Variants in CD248 observed in about 807,000 individuals in gnomAD.
CD248 encodes CD248 molecule, also known as endosialin.
A neutral mutation model predicts 8.0 loss-of-function variants in CD248; 7 were observed. The observed-to-expected ratio is 0.88, with a 90% CI of 0.50 to 1.64. CD248 has a LOEUF of 1.64. CD248 is among the 40% of genes most tolerant of loss of function. The pLI is 0.00. For missense variants in CD248, 912 were observed against 1,027.2 expected (o/e 0.89, Z 1.53); for synonymous variants, 418 against 437.1 (o/e 0.96, Z 0.54).
rs780618986 is a variant in CD248, at chr11:66,316,108, G to A, written c.920C>T (p.Pro307Leu). ...CTCATCTGTGTCCACACAGCGGTGCGGATCATCCTCCGCTGGCCGGAAACC... is the reference window on the plus strand; with the variant it reads ...CTCATCTGTGTCCACACAGCGGTGCAGATCATCCTCCGCTGGCCGGAAACC... Reference protein sequence around the residue: ...RLGFRPAEDDPHRCVDTDECQ... With the variant: ...RLGFRPAEDDLHRCVDTDECQ... The change falls in exon 1 of 1, where the codon CCG (proline) becomes CTG (leucine). Residue 307 changes from proline (P) to leucine (L), a missense_variant. This residue lies in a region of CD248 where 403 missense variants were observed against 446.2 expected (regional missense o/e 0.90). Coordinates refer to ENST00000311330, the MANE Select transcript of CD248 (RefSeq NM_020404.3). 5.0e-5 allele frequency: 80 copies of A among 1,613,512 alleles called. No homozygotes were observed. In the East Asian group the frequency reaches 1.0e-3, roughly 20 times the overall value.
Position 66,317,023 on chromosome 11 carries a change from AG to A in CD248, c.4del (p.Leu2CysfsTer213). The A allele has an allele frequency of 6.9e-7, 1 of 1,453,840 alleles. No homozygotes were observed. The highest frequency in any genetic ancestry group is 9.0e-7 in the Non-Finnish European group (1 of 1,114,076). 90.1% of individuals were successfully genotyped at this position (1,453,840 alleles called of 1,614,324 possible). A position where few individuals can be genotyped will look rare whatever the true frequency, so the allele number is the denominator to read the frequency against. On this transcript the variant is annotated frameshift_variant, in exon 1 of 1. Coordinates refer to ENST00000311330, the MANE Select transcript of CD248 (RefSeq NM_020404.3). LOFTEE classifies it low-confidence loss of function (END_TRUNC). ...CGCCCAGGCCAGCAACAGGCGCAGCAGCATCGCGATGCCCCCGGACTGGTCC... is the reference window on the plus strand; with the variant it reads ...CGCCCAGGCCAGCAACAGGCGCAGCACATCGCGATGCCCCCGGACTGGTCC... M[L>X]LRLLLAWAAA...
chr11:66,314,809 G>C lies in CD248; in HGVS notation c.2219C>G (p.Pro740Arg), dbSNP rs550860817. The change falls in exon 1 of 1, where the codon CCC (proline) becomes CGC (arginine). Residue 740 changes from proline (P) to arginine (R), a missense_variant. Physicochemically the swap from Pro to Arg is moderately radical, Grantham distance 103. This residue lies in a region of CD248 where 507 missense variants were observed against 562.2 expected (regional missense o/e 0.90). Coordinates refer to ENST00000311330, the MANE Select transcript of CD248 (RefSeq NM_020404.3). The surrounding 1 kb of genome is among the most constrained non-coding windows in gnomAD (Gnocchi z 4.0). Reference sequence around the variant, plus strand: ...TGTGAGGCTGCCCCTGGGGGGCATGGGTTCTGTTGGGCTCTTGCTCCCAGC... The same window carrying C: ...TGTGAGGCTGCCCCTGGGGGGCATGCGTTCTGTTGGGCTCTTGCTCCCAGC... The part of the protein sequence containing the change: ...IHAGSKSPTE[P>R]MPPRGSLTGV... 16 of 1,566,120 alleles carry C rather than the reference G, an allele frequency of 1.0e-5. No individual in the cohort carries two copies. Among genetic ancestry groups the C allele is most frequent in the Non-Finnish European group, 1.4e-5 (16 of 1,155,468 alleles).
chr11:66,316,542 G>C lies in CD248; in HGVS notation c.486C>G (p.Gly162=). The C allele has an allele frequency of 6.3e-7, 1 of 1,599,258 alleles. No individual in the cohort carries two copies. Among genetic ancestry groups the C allele is most frequent in the Non-Finnish European group, 8.5e-7 (1 of 1,179,288 alleles). ...DGYLCQFGFE[G]ACPALQDEAG... Reference sequence around the variant, plus strand: ...CCTCATCTTGCAGCGCCGGGCAGGCGCCCTCGAAGCCAAACTGGCACAGGT... The same window carrying C: ...CCTCATCTTGCAGCGCCGGGCAGGCCCCCTCGAAGCCAAACTGGCACAGGT... The change falls in exon 1 of 1, where the codon GGC becomes GGG. Residue 162 remains glycine, a synonymous_variant. Transcript: ENST00000311330.
In CD248 at chr11:66,316,331, TC is replaced by T; in HGVS notation, c.696del (p.Thr233LeufsTer236). On this transcript the variant is annotated frameshift_variant, in exon 1 of 1. Transcript: ENST00000311330. LOFTEE classifies it low-confidence loss of function (END_TRUNC). ...GWSRAGPLCL[G>X]TGCSPDNGGC... is the part of the protein sequence containing the mutation. ...CCCCCGTTGTCAGGGCTGCAGCCAG[TC>T]CCCAGGCACAGGGGCCCAGCCCGTG... is the stretch of plus-strand genomic sequence containing the variant. 1 of 1,612,862 alleles carries T rather than the reference TC, an allele frequency of 6.2e-7. No homozygotes were observed. Among genetic ancestry groups the T allele is most frequent in the Non-Finnish European group, 8.5e-7 (1 of 1,179,734 alleles).
Position 66,316,167 on chromosome 11 carries a change from A to T in CD248, c.861T>A (p.Gly287=), listed in dbSNP as rs1854545589. Residue 287 remains glycine, a synonymous_variant, in exon 1 of 1, where the codon GGT becomes GGA. Coordinates refer to ENST00000311330, the MANE Select transcript of CD248 (RefSeq NM_020404.3). ...QAPCEQQCEP[G]GPQGYSCHCR... ...AGTGGCAGCTGTAGCCTTGTGGCCC[A>T]CCGGGCTCACACTGCTGCTCGCACG... 1 of 1,612,320 alleles carries T rather than the reference A, an allele frequency of 6.2e-7. No individual in the cohort carries two copies. The highest frequency in any genetic ancestry group is 2.2e-5 in the East Asian group (1 of 44,886).
At position 66,316,947 on chromosome 11, in the gene CD248, G is replaced by A. The variant is rs766995766; in HGVS notation, c.81C>T (p.Ala27=). ...GQDPWAAEPR[A]ACGPSSCYAL... is the part of the protein sequence containing the mutation. Reference sequence around the variant, plus strand: ...CGTAGCAGCTGCTGGGGCCGCAGGCGGCACGGGGCTCAGCAGCCCAGGGGT... The same window carrying A: ...CGTAGCAGCTGCTGGGGCCGCAGGCAGCACGGGGCTCAGCAGCCCAGGGGT... Residue 27 remains alanine, a synonymous_variant, in exon 1 of 1, where the codon GCC becomes GCT. Transcript: ENST00000311330. The A allele has an allele frequency of 4.3e-5, 67 of 1,551,118 alleles. No individual in the cohort carries two copies. Among genetic ancestry groups the A allele is most frequent in the Non-Finnish European group, 4.5e-5 (52 of 1,160,234 alleles).
rs749082084 is a variant in CD248, at chr11:66,315,820, G to A, written c.1208C>T (p.Pro403Leu). 37 of 1,613,846 alleles carry A rather than the reference G, an allele frequency of 2.3e-5. No homozygotes were observed. Among genetic ancestry groups the A allele is most frequent in the Admixed American group, 3.3e-5 (2 of 60,002 alleles). Residue 403 changes from proline to leucine, a missense_variant, in exon 1 of 1, where the codon CCG becomes CTG. Around this residue, in one of 3 missense-constraint regions of CD248, gnomAD observed 507 missense variants for 562.2 expected, o/e 0.90. Transcript: ENST00000311330. The surrounding 1 kb of genome is among the most constrained non-coding windows in gnomAD (Gnocchi z 4.3). ...PGILWMEPTQ[P>L]PDFALAYRPS... ...TCTATAGGCCAGGGCAAAGTCAGGC[G>A]GCTGCGTAGGCTCCATCCACAGGAT...
Position 66,316,728 on chromosome 11 carries a change from C to A in CD248, c.300G>T (p.Leu100=). Residue 100 remains leucine (L), a synonymous_variant, in exon 1 of 1, where the codon CTG becomes CTT. Transcript: ENST00000311330. ...CCCCTGTGGTCCACGTGAAGCCGCG[C>A]AGTGGGCGCTGCAGCTGGCATTGCC... ...QARQCQLQRP[L]RGFTWTTGDQ... is the part of the protein sequence containing the mutation. 1 of 1,604,608 alleles carries A rather than the reference C, an allele frequency of 6.2e-7. No homozygotes were observed. Among genetic ancestry groups the A allele is most frequent in the Non-Finnish European group, 8.5e-7 (1 of 1,179,474 alleles).
chr11:66,317,007 C>A lies in CD248; in HGVS notation c.21G>T (p.Leu7=), dbSNP rs1455956082. The change falls in exon 1 of 1, where the codon CTG becomes CTT. Residue 7 remains leucine (L), a synonymous_variant. Coordinates refer to ENST00000311330, the MANE Select transcript of CD248 (RefSeq NM_020404.3). Reference sequence around the variant, plus strand: ...GTGTGGGCCCTGCGGCCGCCCAGGCCAGCAACAGGCGCAGCAGCATCGCGA... The same window carrying A: ...GTGTGGGCCCTGCGGCCGCCCAGGCAAGCAACAGGCGCAGCAGCATCGCGA... MLLRLL[L]AWAAAGPTLG... 1 of 1,474,364 alleles carries A rather than the reference C, an allele frequency of 6.8e-7. No individual in the cohort carries two copies. The highest frequency in any genetic ancestry group is 8.9e-7 in the Non-Finnish European group (1 of 1,124,508). 91.3% of individuals were successfully genotyped at this position (1,474,364 alleles called of 1,614,324 possible).
chr11:66,314,998 G>C lies in CD248; in HGVS notation c.2030C>G (p.Ala677Gly), dbSNP rs767676716. The C allele has an allele frequency of 6.2e-7, 1 of 1,610,972 alleles. No individual in the cohort carries two copies. The highest frequency in any genetic ancestry group is 8.5e-7 in the Non-Finnish European group (1 of 1,178,500). ...APTALGEAGL[A>G]EHSQRDDRWL... Reference sequence around the variant, plus strand: ...CCGGTCATCCCTCTGGCTGTGCTCGGCAAGACCAGCCTCCCCCAGGGCTGT... The same window carrying C: ...CCGGTCATCCCTCTGGCTGTGCTCGCCAAGACCAGCCTCCCCCAGGGCTGT... Residue 677 changes from alanine (A) to glycine (G), a missense_variant, in exon 1 of 1, where the codon GCC becomes GGC. Transcript: ENST00000311330. The surrounding 1 kb of genome is among the most constrained non-coding windows in gnomAD (Gnocchi z 4.0).
chr11:66,316,983 T>G lies in CD248; in HGVS notation c.45A>C (p.Thr15=), dbSNP rs1854559819. 1 of 1,503,932 alleles carries G rather than the reference T, an allele frequency of 6.6e-7. No homozygotes were observed. The highest frequency in any genetic ancestry group is 1.3e-5 in the South Asian group (1 of 79,016). The allele number at this position is 1,503,932 out of a possible 1,614,324, so 93.2% of individuals were successfully genotyped here. A position where few individuals can be genotyped will look rare whatever the true frequency, so the allele number is the denominator to read the frequency against. ...LLLAWAAAGP[T]LGQDPWAAEP... ...CAGCAGCCCAGGGGTCCTGGCCCAG[T>G]GTGGGCCCTGCGGCCGCCCAGGCCA... is the stretch of plus-strand genomic sequence containing the variant. The change falls in exon 1 of 1, where the codon ACA becomes ACC. Residue 15 remains threonine (T), a synonymous_variant. Coordinates refer to ENST00000311330, the MANE Select transcript of CD248 (RefSeq NM_020404.3).
chr11:66,315,613 G>A lies in CD248; in HGVS notation c.1415C>T (p.Thr472Ile), dbSNP rs775283225. The stretch of plus-strand genomic sequence containing the variant: ...GTGGTCACGGGACAAAGCTGGGTGT[G>A]TGGCAGGGATCACAGGAGGCTGGTG... ...SAHQPPVIPATHPALSRDHQI... is the reference protein window; with the variant it reads ...SAHQPPVIPAIHPALSRDHQI... Residue 472 changes from threonine (T) to isoleucine (I), a missense_variant, in exon 1 of 1, where the codon ACA (threonine) becomes ATA (isoleucine). By Grantham distance (89) the Thr-to-Ile change is moderately conservative. This residue lies in a region of CD248 where 507 missense variants were observed against 562.2 expected (regional missense o/e 0.90). Transcript: ENST00000311330. The surrounding 1 kb of genome is among the most constrained non-coding windows in gnomAD (Gnocchi z 4.3). The A allele has an allele frequency of 4.3e-6, 7 of 1,614,002 alleles. No individual in the cohort carries two copies. The highest frequency in any genetic ancestry group is 1.7e-5 in the Admixed American group (1 of 60,014).
chr11:66,315,634 TGGTGGGCAGAAGGCA>T lies in CD248; in HGVS notation c.1379_1393del (p.Leu460_His464del). The T allele has an allele frequency of 6.2e-7, 1 of 1,613,214 alleles. No homozygotes were observed. Among genetic ancestry groups the T allele is most frequent in the Non-Finnish European group, 8.5e-7 (1 of 1,179,640 alleles). On this transcript the variant is annotated inframe_deletion, in exon 1 of 1. Transcript: ENST00000311330. This position sits in a 1 kb window ranked among gnomAD's most constrained non-coding sequence, Gnocchi z 4.3. ...GTGTGTGGCAGGGATCACAGGAGGC[TGGTGGGCAGAAGGCA>T]GTGTGGGATGCGTGGCAGAGACCAC... is the stretch of plus-strand genomic sequence containing the variant.
Position 66,315,610 on chromosome 11 carries a change from T to G in CD248, c.1418A>C (p.His473Pro). The stretch of plus-strand genomic sequence containing the variant: ...CTGGTGGTCACGGGACAAAGCTGGG[T>G]GTGTGGCAGGGATCACAGGAGGCTG... ...AHQPPVIPATHPALSRDHQIP... is the reference protein window; with the variant it reads ...AHQPPVIPATPPALSRDHQIP... Residue 473 changes from histidine to proline, a missense_variant, in exon 1 of 1, where the codon CAC becomes CCC. This residue lies in a region of CD248 where 507 missense variants were observed against 562.2 expected (regional missense o/e 0.90). Transcript: ENST00000311330. The surrounding 1 kb of genome is among the most constrained non-coding windows in gnomAD (Gnocchi z 4.3). The G allele has an allele frequency of 6.2e-7, 1 of 1,613,594 alleles. No individual in the cohort carries two copies.
chr11:66,314,691 C>G lies in CD248; in HGVS notation c.*63G>C. 2.8e-6 allele frequency: 4 copies of G among 1,409,692 alleles called. No homozygotes were observed. The South Asian group carries it at 5.4e-5, about 19-fold the overall frequency. The allele number at this position is 1,409,692 out of a possible 1,614,324, so 87.3% of individuals were successfully genotyped here. The stretch of plus-strand genomic sequence containing the variant: ...GTCCAGCTGGGCAGCCCCCATGGGT[C>G]CCTGGTGCAGCCCCGGCCATGTGTC... On this transcript the variant is annotated 3_prime_UTR_variant, in exon 1 of 1. Coordinates refer to ENST00000311330, the MANE Select transcript of CD248 (RefSeq NM_020404.3). This position sits in a 1 kb window ranked among gnomAD's most constrained non-coding sequence, Gnocchi z 4.0.
Position 66,314,495 on chromosome 11 carries a change from A to C in CD248, c.*259T>G. ...CCAGTGGGGGTCAGAAGCCTTGGGT[A>C]AGGTTGACACCCCATTTATTGGAGA... On this transcript the variant is annotated 3_prime_UTR_variant, in exon 1 of 1. Transcript: ENST00000311330. The surrounding 1 kb of genome is among the most constrained non-coding windows in gnomAD (Gnocchi z 4.0). The C allele has an allele frequency of 2.2e-6, 1 of 445,128 alleles. No homozygotes were observed. The highest frequency in any genetic ancestry group is 4.1e-6 in the Non-Finnish European group (1 of 246,146). The allele number at this position is 445,128 out of a possible 1,614,324, so 27.6% of individuals were successfully genotyped here. A position where few individuals can be genotyped will look rare whatever the true frequency, so the allele number is the denominator to read the frequency against.
chr11:66,316,980 C>T lies in CD248; in HGVS notation c.48G>A (p.Leu16=), dbSNP rs1332666085. 2.0e-6 allele frequency: 3 copies of T among 1,509,552 alleles called. No homozygotes were observed. The highest frequency in any genetic ancestry group is 2.6e-6 in the Non-Finnish European group (3 of 1,142,108). 93.5% of individuals were successfully genotyped at this position (1,509,552 alleles called of 1,614,324 possible). Residue 16 remains leucine, a synonymous_variant, in exon 1 of 1, where the codon CTG becomes CTA. Transcript: ENST00000311330. ...LLAWAAAGPT[L]GQDPWAAEPR... is the part of the protein sequence containing the mutation. ...GCTCAGCAGCCCAGGGGTCCTGGCCCAGTGTGGGCCCTGCGGCCGCCCAGG... is the reference window on the plus strand; with the variant it reads ...GCTCAGCAGCCCAGGGGTCCTGGCCTAGTGTGGGCCCTGCGGCCGCCCAGG...
In CD248 at chr11:66,315,578, CG is replaced by C; in HGVS notation, c.1449del (p.Val484Ter). On this transcript the variant is annotated frameshift_variant, in exon 1 of 1. Coordinates refer to ENST00000311330, the MANE Select transcript of CD248 (RefSeq NM_020404.3). LOFTEE classifies it low-confidence loss of function (END_TRUNC). The surrounding 1 kb of genome is among the most constrained non-coding windows in gnomAD (Gnocchi z 4.3). ...HPALSRDHQIPVIAANYPDLP... is the reference protein window; with the variant it reads ...HPALSRDHQIXVIAANYPDLP... ...AGATCTGGATAGTTGGCTGCGATCA[CG>C]GGGATCTGGTGGTCACGGGACAAAG... 1 of 1,613,692 alleles carries C rather than the reference CG, an allele frequency of 6.2e-7. No homozygotes were observed. The highest frequency in any genetic ancestry group is 8.5e-7 in the Non-Finnish European group (1 of 1,179,862).
chr11:66,315,291 G>A lies in CD248; in HGVS notation c.1737C>T (p.Ala579=). 2 of 1,546,670 alleles carry A rather than the reference G, an allele frequency of 1.3e-6. No homozygotes were observed. The highest frequency in any genetic ancestry group is 1.7e-6 in the Non-Finnish European group (2 of 1,145,812). Residue 579 remains alanine, a synonymous_variant, in exon 1 of 1, where the codon GCC becomes GCT. Coordinates refer to ENST00000311330, the MANE Select transcript of CD248 (RefSeq NM_020404.3). This position sits in a 1 kb window ranked among gnomAD's most constrained non-coding sequence, Gnocchi z 4.3. ...CAGTTGGGATAATGGGAAGCTGGGTGGCCTGGGTTCTGAGGACAAGGGCAT... is the reference window on the plus strand; with the variant it reads ...CAGTTGGGATAATGGGAAGCTGGGTAGCCTGGGTTCTGAGGACAAGGGCAT... ...APDALVLRTQ[A]TQLPIIPTAQ...
Sources: allele counts gnomAD v4.1 joint callset, GRCh38; gene constraint gnomAD v4.1.1; regional missense constraint gnomAD v4.1.1; non-coding constraint Gnocchi (gnomAD v3.1); transcripts MANE v1.5; gene names NCBI Gene and HGNC (gene_info 2026-07-23, HGNC 2026-07-21).